The following EML6 variants were observed in gnomAD, a reference collection of about 807,000 sequenced individuals.
EML6 encodes echinoderm microtubule-associated protein-like 6.
A neutral mutation model predicts 240.1 loss-of-function variants in EML6; 154 were observed. That is an observed-to-expected ratio of 0.64 (90% CI 0.56 to 0.73). EML6 has a LOEUF of 0.73. Ranked by LOEUF, EML6 falls within the 30% of genes least tolerant of loss-of-function variation. The pLI is 0.00. For missense variants in EML6, 2,964 were observed against 2,474.6 expected (o/e 1.20, Z -4.20); for synonymous variants, 1,148 against 899.0 (o/e 1.28, Z -4.95).
At chr2:54,934,893 C>G (rs1558702475) in intron 28 of EML6, among the ~76,000 whole-genome samples, 2 of 152,148 alleles carry the variant, frequency 1.3e-5, no homozygotes, top group African/African-American at 4.8e-5. Flanking sequence ...TACTTGAATT[C>G]TCAAGGGAAA....
chr2:54,809,014 A>T lies in EML6; in HGVS notation c.198-4218A>T, dbSNP rs967338088. Among the ~76,000 whole-genome samples, 9 of 152,182 alleles carry T rather than the reference A, an allele frequency of 5.9e-5. 1 individual carries two copies. The highest frequency in any genetic ancestry group is 1.9e-4 in the African/African-American group (8 of 41,460). Reference sequence around the variant, plus strand: ...AAAACTTGATCCTTTTTTTGTTGCCATATATAAAATACAATAAATGGAATA... The same window carrying T: ...AAAACTTGATCCTTTTTTTGTTGCCTTATATAAAATACAATAAATGGAATA... On this transcript the variant is annotated intron_variant, in intron 2 of 41. Coordinates refer to ENST00000356458, the MANE Select transcript of EML6 (RefSeq NM_001039753.4).
Position 54,743,147 on chromosome 2 carries a change from C to G in EML6, c.197+17889C>G, listed in dbSNP as rs368780750. Among the ~76,000 whole-genome samples the G allele has an allele frequency of 5.3e-3, 807 of 152,306 alleles. 3 individuals carry two copies. Among genetic ancestry groups the G allele is most frequent in the African/African-American group, 0.018 (743 of 41,564 alleles). On this transcript the variant is annotated intron_variant, in intron 2 of 41. Coordinates refer to ENST00000356458, the MANE Select transcript of EML6 (RefSeq NM_001039753.4). ...GGTCCCGGGTGGCTGGAGCCTATCC[C>G]CGCAGCTCAGGGTACAAGGTGGGAA...
At chr2:54,930,573 C>T (rs1421077865) in intron 28 of EML6, among the ~76,000 whole-genome samples, 1 of 151,748 alleles carries the variant, frequency 6.6e-6, no homozygotes, top group East Asian at 1.9e-4. Flanking sequence ...TAGGGGTAGG[C>T]AGTTCAGTAG....
chr2:54,752,326 T>C (rs1433838149), intron 2 of EML6, among the ~76,000 whole-genome samples: 1 of 152,102 alleles, frequency 6.6e-6, no homozygotes, highest in African/African-American at 2.4e-5. Flanking sequence ...ATAACACATA[T>C]ATAAAAAAGT....
chr2:54,788,804 TC>T (rs1488722361), intron 2 of EML6, among the ~76,000 whole-genome samples: 2 of 152,192 alleles, frequency 1.3e-5, no homozygotes, highest in African/African-American at 4.8e-5. Flanking sequence ...AAACATTATT[TC>T]TCCTGAAGTT....
At chr2:54,858,559 G>T (rs999370933) in intron 11 of EML6, among the ~76,000 whole-genome samples, 1 of 152,166 alleles carries the variant, frequency 6.6e-6, no homozygotes, top group Non-Finnish European at 1.5e-5. Flanking sequence ...AACTGATTTA[G>T]GTAACTCTTT....
In EML6 at chr2:54,895,403, ACT is replaced by A; in HGVS notation, c.2982+4_2982+5del. 1.9e-6 allele frequency: 3 copies of A among 1,551,812 alleles called. No individual in the cohort carries two copies. The highest frequency in any genetic ancestry group is 2.6e-6 in the Non-Finnish European group (3 of 1,146,874). On this transcript the variant is annotated splice_donor_5th_base_variant and intron_variant, in intron 21 of 41. Coordinates refer to ENST00000356458, the MANE Select transcript of EML6 (RefSeq NM_001039753.4). The stretch of plus-strand genomic sequence containing the variant: ...GCCCAATGACACTGCTTGTTCAGGT[ACT>A]GTTTGTATGTATTCTAAACTGCAGT...
At chr2:54,759,454 T>C (rs1667880196) in intron 2 of EML6, among the ~76,000 whole-genome samples, 1 of 151,986 alleles carries the variant, frequency 6.6e-6, no homozygotes, top group African/African-American at 2.4e-5. Flanking sequence ...GAGTCACTTA[T>C]TTTGGAAATA....
chr2:54,830,087 A>C (rs948163392), intron 7 of EML6, among the ~76,000 whole-genome samples: 1 of 152,230 alleles, frequency 6.6e-6, no homozygotes, highest in African/African-American at 2.4e-5. Context: ...TATACTTGCA[A>C]AGCGCACTTA....
At chr2:54,755,756 G>A (rs13008811) in intron 2 of EML6, among the ~76,000 whole-genome samples, 8,218 of 152,118 alleles carry the variant, frequency 0.054, 313 homozygotes, top group Non-Finnish European at 0.086. Context: ...CACCTCCCAG[G>A]CTCAAGCGAT....
At chr2:54,913,959 G>C (rs1240538553) in intron 25 of EML6, among the ~76,000 whole-genome samples, 1 of 152,180 alleles carries the variant, frequency 6.6e-6, no homozygotes, top group Non-Finnish European at 1.5e-5. Context: ...TCGAAGATCA[G>C]CTGGCTACAG....
Position 54,725,272 on chromosome 2 carries a change from C to T in EML6, c.197+14C>T, listed in dbSNP as rs1682859678. Reference sequence around the variant, plus strand: ...CGACATTATCAGGTAAGGGGGTGGCCAGGGGCGGCGGGGAGGGGTTGCGTG... The same window carrying T: ...CGACATTATCAGGTAAGGGGGTGGCTAGGGGCGGCGGGGAGGGGTTGCGTG... On this transcript the variant is annotated intron_variant, in intron 2 of 41. Coordinates refer to ENST00000356458, the MANE Select transcript of EML6 (RefSeq NM_001039753.4). The surrounding 1 kb of genome is among the most constrained non-coding windows in gnomAD (Gnocchi z 4.3). The T allele has an allele frequency of 5.0e-6, 7 of 1,389,758 alleles. No individual in the cohort carries two copies. In the African/African-American group the frequency reaches 6.0e-5, roughly 12 times the overall value. The allele number at this position is 1,389,758 out of a possible 1,614,324, so 86.1% of individuals were successfully genotyped here. A position where few individuals can be genotyped will look rare whatever the true frequency, so the allele number is the denominator to read the frequency against.
chr2:54,948,049 A>G (rs910670074), intron 28 of EML6, among the ~76,000 whole-genome samples: 2 of 152,172 alleles, frequency 1.3e-5, no homozygotes, highest in Admixed American at 6.5e-5. Flanking sequence ...GGGAGCAATA[A>G]CTAATTACTT....
chr2:54,802,657 C>CTACTACTACTAT (rs1434725107), intron 2 of EML6, among the ~76,000 whole-genome samples: 2 of 148,722 alleles, frequency 1.3e-5, no homozygotes, highest in African/African-American at 5.1e-5. Context: ...ACTACTACTA[C>CTACTACTACTAT]TACTACTACT....
intron 33 of EML6, among the ~76,000 whole-genome samples, chr2:54,958,298 T>A (rs930399408): frequency 6.6e-6 from 1 of 152,046 alleles, no homozygotes. Context: ...CTCAAGCGAT[T>A]CTCCTGCCTC....
At chr2:54,791,692 C>G (rs577370026) in intron 2 of EML6, among the ~76,000 whole-genome samples, 6 of 152,146 alleles carry the variant, frequency 3.9e-5, no homozygotes, top group Admixed American at 2.6e-4. Flanking sequence ...AGCCTGCAGG[C>G]TAGAGCCAAG....
At position 54,964,588 on chromosome 2, in the gene EML6, G is replaced by C. The variant is rs770580861; in HGVS notation, c.5348G>C (p.Arg1783Pro). ...TTTTCTAGAATCAGCCCAGACAACC[G>C]ATTCTTAGCCGTTGGTTCTTCTGAA... ...IQDIRISPDN[R>P]FLAVGSSEHT... Residue 1783 changes from arginine (R) to proline (P), a missense_variant, in exon 38 of 42, where the codon CGA becomes CCA. Coordinates refer to ENST00000356458, the MANE Select transcript of EML6 (RefSeq NM_001039753.4). 6.4e-7 allele frequency: 1 copy of C among 1,552,324 alleles called. No individual in the cohort carries two copies. The highest frequency in any genetic ancestry group is 8.7e-7 in the Non-Finnish European group (1 of 1,147,114).
intron 11 of EML6, among the ~76,000 whole-genome samples, chr2:54,858,962 G>A (rs747349711): frequency 1.1e-4 from 16 of 152,134 alleles, no homozygotes; most frequent in Admixed American, 3.3e-4. Context: ...CCTTGATGCC[G>A]CTGTGTACTG....
intron 28 of EML6, among the ~76,000 whole-genome samples, chr2:54,945,046 T>TCCCTCCTCCCTCTCTGCCTC (rs1391888764): frequency 9.4e-6 from 1 of 106,626 alleles, no homozygotes; most frequent in African/African-American, 3.7e-5. Flanking sequence ...CTTCACTCCT[T>TCCCTCCTCCCTCTCTGCCTC]CCCTCCTCCC....
Sources: gnomAD v4.1 joint callset for allele counts (sites outside exome capture counted in the v4.1 genomes callset) on GRCh38, gnomAD v4.1.1 for gene constraint, Gnocchi (gnomAD v3.1) non-coding constraint, MANE v1.5 for transcripts, NCBI Gene and HGNC (gene_info 2026-07-23, HGNC 2026-07-21) for gene names.